PTPN13: variants seen among roughly 807,000 people sequenced by gnomAD.
PTPN13 encodes the protein tyrosine-protein phosphatase non-receptor type 13.
A neutral mutation model predicts 284.0 loss-of-function variants in PTPN13; 191 were observed. The ratio of observed to expected loss-of-function variants is 0.67; its 90% CI spans 0.60 to 0.76. The LOEUF is 0.76. Ranked by LOEUF, PTPN13 falls within the 30% of genes least tolerant of loss-of-function variation. PTPN13 has a pLI of 0.00. For missense variants in PTPN13, 2,797 were observed against 2,939.9 expected, an observed-to-expected ratio of 0.95 and a Z score of 1.12; for synonymous variants, 986 against 1,022.3, an observed-to-expected ratio of 0.96 and a Z score of 0.68.
chr4:86,808,024 A>G, intron 45 of PTPN13, 127 bp downstream of exon 45: 1 of 772,446 alleles, frequency 1.3e-6, no homozygotes, highest in Non-Finnish European at 2.0e-6. Flanking sequence ...GTTCCCATGC[A>G]ATGGAACTAA....
intron 4 of PTPN13, among the ~76,000 whole-genome samples, chr4:86,687,530 TAAATA>T (rs1729583439): frequency 1.3e-5 from 2 of 152,170 alleles, no homozygotes; most frequent in South Asian, 4.1e-4. Flanking sequence ...TTTTTCTTAT[TAAATA>T]AAAGGAAGTA....
chr4:86,776,640 A>G (rs113310779), intron 35 of PTPN13, among the ~76,000 whole-genome samples: 34 of 152,312 alleles, frequency 2.2e-4, no homozygotes, highest in Admixed American at 1.6e-3. Context: ...AAAATACCCA[A>G]CCTACCAAAC....
Position 86,762,856 on chromosome 4 carries a change from T to C in PTPN13, c.3683T>C (p.Ile1228Thr). 1 of 1,613,906 alleles carries C rather than the reference T, an allele frequency of 6.2e-7. No homozygotes were observed. Among genetic ancestry groups the C allele is most frequent in the Non-Finnish European group, 8.5e-7 (1 of 1,179,846 alleles). The change falls in exon 24 of 48, where the codon ATC (isoleucine) becomes ACC (threonine). Residue 1228 changes from isoleucine (I) to threonine (T), a missense_variant. Physicochemically the swap from Ile to Thr is moderately conservative, Grantham distance 89. Transcript: ENST00000411767. Reference sequence around the variant, plus strand: ...TGGTCACGTGGTACCCTGAGGCACATCTCGGAGAACTCCTTTGGGCCATCT... The same window carrying C: ...TGGTCACGTGGTACCCTGAGGCACACCTCGGAGAACTCCTTTGGGCCATCT... ...HHWSRGTLRHISENSFGPSGG... is the reference protein window; with the variant it reads ...HHWSRGTLRHTSENSFGPSGG...
chr4:86,670,491 A>G (rs964447182), intron 2 of PTPN13, among the ~76,000 whole-genome samples: 1 of 151,094 alleles, frequency 6.6e-6, no homozygotes, highest in Non-Finnish European at 1.5e-5. Context: ...TTTTTCTGTC[A>G]CTCCACATCC....
intron 15 of PTPN13, among the ~76,000 whole-genome samples, chr4:86,740,098 C>T (rs1735999533): frequency 6.6e-6 from 1 of 152,188 alleles, no homozygotes; most frequent in Admixed American, 6.5e-5. Flanking sequence ...TTTCCAGGTG[C>T]ATGGTGCAAG....
At chr4:86,766,798 G>T in intron 27 of PTPN13, 1 of 265,482 alleles carries the variant, frequency 3.8e-6, no homozygotes, top group Non-Finnish European at 7.0e-6. Flanking sequence ...TAAATTTGTT[G>T]TATAAACATC....
chr4:86,774,502 AGGCTAAAACCTGGGGACC>A lies in PTPN13; in HGVS notation c.5484_5501del (p.Lys1829_Leu1834del), dbSNP rs1306900843. On this transcript the variant is annotated inframe_deletion, in exon 33 of 48. Coordinates refer to ENST00000411767, the MANE Select transcript of PTPN13 (RefSeq NM_080683.3). ...ACAGGATCCAGCCAAAAGTGATGGA[AGGCTAAAACCTGGGGACC>A]GGCTCATAAAGGTGAGACATTTAAG... is the stretch of plus-strand genomic sequence containing the variant. 6.2e-7 allele frequency: 1 copy of A among 1,603,860 alleles called. No homozygotes were observed. The highest frequency in any genetic ancestry group is 1.7e-5 in the Admixed American group (1 of 58,640).
chr4:86,678,386 A>G (rs72872208), intron 3 of PTPN13, among the ~76,000 whole-genome samples: 8,110 of 152,256 alleles, frequency 0.053, 301 homozygotes, highest in African/African-American at 0.085. Flanking sequence ...TAAAAATTGC[A>G]TGCATACCAA....
intron 12 of PTPN13, 97 bp from the exon 13 acceptor site, chr4:86,734,206 A>G: frequency 1.1e-6 from 1 of 941,006 alleles, no homozygotes. Context: ...CTCATATGAT[A>G]CTCTTTTATG....
At chr4:86,596,429 G>C (rs908615655) in intron 1 of PTPN13, among the ~76,000 whole-genome samples, 1 of 152,154 alleles carries the variant, frequency 6.6e-6, no homozygotes, top group African/African-American at 2.4e-5. Context: ...ATTAAAACCA[G>C]TGTCAATTTA....
At chr4:86,718,332 C>G (rs1197339662) in intron 9 of PTPN13, among the ~76,000 whole-genome samples, 4 of 152,132 alleles carry the variant, frequency 2.6e-5, no homozygotes, top group African/African-American at 9.7e-5. Flanking sequence ...GACACTGTTT[C>G]ACACCTGTAA....
intron 2 of PTPN13, among the ~76,000 whole-genome samples, chr4:86,651,701 A>C (rs1194191022): frequency 6.6e-6 from 1 of 151,340 alleles, no homozygotes; most frequent in Non-Finnish European, 1.5e-5. Context: ...TTCATGCTTC[A>C]CTCTTGGTTG....
chr4:86,658,761 A>G (rs1390986413), intron 2 of PTPN13, among the ~76,000 whole-genome samples: 2 of 152,302 alleles, frequency 1.3e-5, no homozygotes, highest in East Asian at 3.9e-4. Flanking sequence ...TTGAGAGCTG[A>G]TAAAATATAT....
chr4:86,722,516 C>A, intron 10 of PTPN13, 82 bp downstream of exon 10: 3 of 1,151,266 alleles, frequency 2.6e-6, no homozygotes, highest in Non-Finnish European at 1.3e-6. Flanking sequence ...AAAATTGCTA[C>A]AGGTATCCAT....
rs761708222 is a variant in PTPN13 at position 86,807,733 on chromosome 4, A to T, written c.6919A>T (p.Met2307Leu). 2 of 1,614,064 alleles carry T rather than the reference A, an allele frequency of 1.2e-6. No individual in the cohort carries two copies. Among genetic ancestry groups the T allele is most frequent in the Non-Finnish European group, 1.7e-6 (2 of 1,179,902 alleles). Residue 2307 changes from methionine to leucine, a missense_variant, in exon 45 of 48, where the codon ATG (methionine) becomes TTG (leucine). By Grantham distance (15) the Met-to-Leu change is conservative. Coordinates refer to ENST00000411767, the MANE Select transcript of PTPN13 (RefSeq NM_080683.3). ...IWEQKSTVIAMMTQEVEGEKI... is the reference protein window; with the variant it reads ...IWEQKSTVIALMTQEVEGEKI... ...GGAGCAAAAATCCACAGTGATAGCC[A>T]TGATGACTCAAGAAGTAGAAGGAGA...
At chr4:86,768,709 CTTTTTTTT>C (rs774501203) in intron 28 of PTPN13, among the ~76,000 whole-genome samples, 3 of 130,432 alleles carry the variant, frequency 2.3e-5, no homozygotes, top group African/African-American at 9.1e-5. Flanking sequence ...TTTCTTCCAT[CTTTTTTTT>C]TTTTTTTTTT....
At chr4:86,643,253 T>C (rs1471646176) in intron 2 of PTPN13, among the ~76,000 whole-genome samples, 2 of 152,214 alleles carry the variant, frequency 1.3e-5, no homozygotes, top group Non-Finnish European at 2.9e-5. Flanking sequence ...AGGTTCATTG[T>C]CTACATTAAA....
chr4:86,779,228 C>G (rs1364069889), intron 35 of PTPN13, among the ~76,000 whole-genome samples: 1 of 151,992 alleles, frequency 6.6e-6, no homozygotes, highest in African/African-American at 2.4e-5. Context: ...CCAGTTTCCT[C>G]TACGGTGAAA....
intron 17 of PTPN13, among the ~76,000 whole-genome samples, chr4:86,749,759 A>G (rs1359906962): frequency 1.3e-5 from 2 of 152,230 alleles, no homozygotes. Flanking sequence ...AGATACTGAA[A>G]CAGACAGATT....
Sources: allele counts gnomAD v4.1 joint callset (sites outside exome capture counted in the v4.1 genomes callset), GRCh38; gene constraint gnomAD v4.1.1; transcripts MANE v1.5; gene names NCBI Gene and HGNC (gene_info 2026-07-23, HGNC 2026-07-21).